The following RAD51B variants were observed in gnomAD, a reference collection of about 807,000 sequenced individuals.
RAD51B encodes RAD51 paralog B.
A neutral mutation model predicts 42.2 loss-of-function variants in RAD51B; 38 were observed. The ratio of observed to expected loss-of-function variants is 0.90; its 90% CI spans 0.70 to 1.18. The LOEUF is 1.18. RAD51B is among the 50% of genes most tolerant of loss of function. The pLI, the probability that RAD51B is intolerant of heterozygous loss-of-function variation, is 0.00. For synonymous variants in RAD51B, 154 were observed against 145.2 expected, an observed-to-expected ratio of 1.06 and a Z score of -0.43; for missense variants, 373 against 400.7, an observed-to-expected ratio of 0.93 and a Z score of 0.59.
At chr14:68,032,670 C>T (rs1190527471) in intron 7 of RAD51B, among the ~76,000 whole-genome samples, 2 of 152,152 alleles carry the variant, frequency 1.3e-5, no homozygotes, top group African/African-American at 4.8e-5. Context: ...GTGACAATAG[C>T]CTTCTACTAT....
chr14:68,038,476 T>TTATCTGCC (rs2076167896), intron 7 of RAD51B, among the ~76,000 whole-genome samples: 1 of 152,192 alleles, frequency 6.6e-6, no homozygotes, highest in Non-Finnish European at 1.5e-5. Flanking sequence ...CTTTTATTAT[T>TTATCTGCC]TGATTTTGTA....
chr14:68,097,370 T>C (rs1022365026), intron 7 of RAD51B, among the ~76,000 whole-genome samples: 6 of 152,098 alleles, frequency 3.9e-5, no homozygotes, highest in African/African-American at 1.4e-4. Flanking sequence ...TTTTTGAACA[T>C]TTATATAGAA....
chr14:68,558,848 T>TG (rs1010828061), intron 10 of RAD51B, among the ~76,000 whole-genome samples: 59 of 152,294 alleles, frequency 3.9e-4, no homozygotes, highest in African/African-American at 1.3e-3. Context: ...GTGTATCTTT[T>TG]GAGGGTGACA....
At chr14:68,107,782 A>G (rs2077398633) in intron 7 of RAD51B, among the ~76,000 whole-genome samples, 1 of 151,872 alleles carries the variant, frequency 6.6e-6, no homozygotes. Flanking sequence ...ACGAAGTTGA[A>G]TTGGTACTTT....
chr14:68,038,322 C>T (rs553890028), intron 7 of RAD51B, among the ~76,000 whole-genome samples: 6 of 152,228 alleles, frequency 3.9e-5, no homozygotes, highest in African/African-American at 1.4e-4. Flanking sequence ...CAGCCTCCTT[C>T]CATTAGCATG....
chr14:68,005,969 AAG>A (rs1455278235), intron 7 of RAD51B, among the ~76,000 whole-genome samples: 3 of 152,042 alleles, frequency 2.0e-5, no homozygotes, highest in Admixed American at 6.6e-5. Flanking sequence ...TAGCAGGAGG[AAG>A]AGAGAGAGGA....
chr14:68,076,084 TCCA>T (rs899689367), intron 7 of RAD51B, among the ~76,000 whole-genome samples: 13 of 152,208 alleles, frequency 8.5e-5, no homozygotes, highest in Non-Finnish European at 1.3e-4. Flanking sequence ...AAATCATGGC[TCCA>T]TGACACACTG....
At chr14:68,211,682 G>T (rs1412948748) in intron 7 of RAD51B, among the ~76,000 whole-genome samples, 1 of 152,164 alleles carries the variant, frequency 6.6e-6, no homozygotes, top group Non-Finnish European at 1.5e-5. Flanking sequence ...CCTAAGGAAA[G>T]TCATTGTCTC....
chr14:68,037,709 G>C (rs752274276), intron 7 of RAD51B, among the ~76,000 whole-genome samples: 1 of 152,162 alleles, frequency 6.6e-6, no homozygotes, highest in African/African-American at 2.4e-5. Context: ...AACATCTCCA[G>C]TTGGTGAACA....
At chr14:68,615,527 A>G (rs1317039541), downstream of RAD51B, among the ~76,000 whole-genome samples, 1 of 151,690 alleles carries the variant, frequency 6.6e-6, no homozygotes, top group Admixed American at 6.6e-5. Flanking sequence ...TTGTATTTTT[A>G]TTAGAGATGG....
intron 10 of RAD51B, chr14:68,563,813 A>G (rs909879773): frequency 1.0e-6 from 1 of 985,090 alleles, no homozygotes; most frequent in Admixed American, 6.1e-5. Context: ...GGTAATGAGC[A>G]GTCCTTGGAA....
chr14:68,552,864 G>A (rs988458869), intron 10 of RAD51B, among the ~76,000 whole-genome samples: 3 of 152,200 alleles, frequency 2.0e-5, no homozygotes, highest in Non-Finnish European at 4.4e-5. Flanking sequence ...AAAGGGATAA[G>A]TAAGAGGAAC....
intron 10 of RAD51B, among the ~76,000 whole-genome samples, chr14:68,586,425 G>A (rs755175244): frequency 7.9e-5 from 12 of 152,218 alleles, no homozygotes; most frequent in Non-Finnish European, 1.6e-4. Flanking sequence ...ATCGGTTCCA[G>A]ATGCCCATGG....
At chr14:68,357,293 C>T (rs1679772896) in intron 8 of RAD51B, among the ~76,000 whole-genome samples, 1 of 152,220 alleles carries the variant, frequency 6.6e-6, no homozygotes, top group East Asian at 1.9e-4. Context: ...CATGAGATTG[C>T]AGCAATTCAG....
intron 9 of RAD51B, among the ~76,000 whole-genome samples, chr14:68,462,528 C>T (rs1229689995): frequency 6.6e-6 from 1 of 152,148 alleles, no homozygotes; most frequent in Non-Finnish European, 1.5e-5. Flanking sequence ...TTGGATATAC[C>T]TTAAATGTTC....
chr14:67,901,977 G>C (rs1242788086), intron 7 of RAD51B, among the ~76,000 whole-genome samples: 1 of 152,092 alleles, frequency 6.6e-6, no homozygotes. Flanking sequence ...TGGATACCTG[G>C]AAAGTCCTGA....
chr14:68,391,973 CA>C (rs2083772008), intron 8 of RAD51B, among the ~76,000 whole-genome samples: 1 of 152,140 alleles, frequency 6.6e-6, no homozygotes, highest in African/African-American at 2.4e-5. Flanking sequence ...CCTCTCTCTC[CA>C]ACTCACTTTA....
At chr14:68,056,248 T>A (rs2140429744) in intron 7 of RAD51B, among the ~76,000 whole-genome samples, 1 of 152,196 alleles carries the variant, frequency 6.6e-6, no homozygotes, top group East Asian at 1.9e-4. Context: ...AAACTCTGCC[T>A]CCCAGGCTCA....
At chr14:68,432,277 C>G (rs1468621266) in intron 9 of RAD51B, among the ~76,000 whole-genome samples, 1 of 152,150 alleles carries the variant, frequency 6.6e-6, no homozygotes, top group African/African-American at 2.4e-5. Context: ...CCACTTGGTG[C>G]AGAGCTGAGT....
Sources: allele counts gnomAD v4.1 joint callset (sites outside exome capture counted in the v4.1 genomes callset), GRCh38; gene constraint gnomAD v4.1.1; transcripts MANE v1.5; gene names NCBI Gene and HGNC (gene_info 2026-07-23, HGNC 2026-07-21).